The following LNX1 variants were observed in gnomAD, a reference collection of about 807,000 sequenced individuals.
The protein encoded by LNX1 is ligand of numb-protein X 1.
In LNX1, 54 loss-of-function variants were observed where a neutral mutation model predicts 68.4. That is an observed-to-expected ratio of 0.79 (90% confidence interval 0.63 to 0.99). The LOEUF (loss-of-function observed/expected upper bound fraction) is 0.99, where lower values mean the gene tolerates loss of function less well. Among genes scored for constraint, LNX1 ranks in the 50% least tolerant of loss-of-function variants. LNX1 has a pLI of 0.00. For missense variants in LNX1, 906 were observed against 926.4 expected, an observed-to-expected ratio of 0.98 and a Z score of 0.29; for synonymous variants, 336 against 350.0, an observed-to-expected ratio of 0.96 and a Z score of 0.45.
intron 2 of LNX1, among the ~76,000 whole-genome samples, chr4:53,541,154 A>G (rs1728739324): frequency 6.6e-6 from 1 of 151,852 alleles, no homozygotes; most frequent in Non-Finnish European, 1.5e-5. Context: ...AAAGAAAAAA[A>G]AAAAAGAAAG....
chr4:53,565,283 G>T (rs1252988661), intron 2 of LNX1, among the ~76,000 whole-genome samples: 2 of 152,070 alleles, frequency 1.3e-5, no homozygotes, highest in African/African-American at 4.8e-5. Context: ...GGTTCTCCCA[G>T]TACGCAGCTG....
At chr4:53,609,231 C>T (rs920351641) in intron 2 of LNX1, among the ~76,000 whole-genome samples, 3 of 151,656 alleles carry the variant, frequency 2.0e-5, no homozygotes, top group Non-Finnish European at 4.4e-5. Flanking sequence ...TGCAATTTAC[C>T]TATGTAACAA....
At chr4:53,565,077 G>T (rs1352285430) in intron 2 of LNX1, among the ~76,000 whole-genome samples, 1 of 151,796 alleles carries the variant, frequency 6.6e-6, no homozygotes, top group African/African-American at 2.4e-5. Context: ...GGGGAGGGGC[G>T]CCTACCATTG....
At chr4:53,605,711 A>G (rs1357466879) in intron 2 of LNX1, among the ~76,000 whole-genome samples, 1 of 152,194 alleles carries the variant, frequency 6.6e-6, no homozygotes, top group Non-Finnish European at 1.5e-5. Flanking sequence ...TTTACCTAGC[A>G]TAATGTCCTC....
chr4:53,609,201 T>C (rs183887798), intron 2 of LNX1, among the ~76,000 whole-genome samples: 8 of 152,036 alleles, frequency 5.3e-5, no homozygotes, highest in African/African-American at 1.7e-4. Flanking sequence ...AAATCATCTG[T>C]ATACAAAACC....
At chr4:53,601,248 A>G (rs1411642465) in intron 2 of LNX1, among the ~76,000 whole-genome samples, 1 of 152,018 alleles carries the variant, frequency 6.6e-6, no homozygotes, top group Non-Finnish European at 1.5e-5. Context: ...CTTGTTTGTG[A>G]TGTCTTAATT....
At chr4:53,561,522 G>A (rs1237568080) in intron 2 of LNX1, among the ~76,000 whole-genome samples, 1 of 152,044 alleles carries the variant, frequency 6.6e-6, no homozygotes, top group Non-Finnish European at 1.5e-5. Context: ...CACTGTGCCT[G>A]GCCCTCCGTG....
chr4:53,521,578 T>C (rs1727223896), intron 2 of LNX1, among the ~76,000 whole-genome samples: 1 of 152,200 alleles, frequency 6.6e-6, no homozygotes, highest in Admixed American at 6.5e-5. Flanking sequence ...AAATCCTATT[T>C]TTCCAGCCAG....
intron 2 of LNX1, among the ~76,000 whole-genome samples, chr4:53,551,618 T>TC (rs1729525565): frequency 6.6e-6 from 1 of 152,038 alleles, no homozygotes; most frequent in African/African-American, 2.4e-5. Context: ...GACAGCCCAC[T>TC]CCAAGGGAAG....
intron 2 of LNX1, among the ~76,000 whole-genome samples, chr4:53,544,447 G>A (rs1224534012): frequency 1.3e-5 from 2 of 151,826 alleles, no homozygotes; most frequent in Non-Finnish European, 2.9e-5. Context: ...CACCCCTTCG[G>A]CCTCCCAAAG....
At chr4:53,524,178 C>A (rs908318469) in intron 2 of LNX1, 25 of 152,110 alleles carry the variant, frequency 1.6e-4, no homozygotes, top group African/African-American at 6.0e-4. Flanking sequence ...TATATTTTTT[C>A]TCTTCTAAAA....
At chr4:53,546,039 T>C (rs1560657559) in intron 2 of LNX1, among the ~76,000 whole-genome samples, 1 of 152,078 alleles carries the variant, frequency 6.6e-6, no homozygotes, top group African/African-American at 2.4e-5. Context: ...ACTCCTGACC[T>C]CAAGTGATCC....
rs750977689 is a variant in LNX1, at chr4:53,573,643, G to A, written c.360C>T (p.Leu120=). 4.4e-6 allele frequency: 7 copies of A among 1,603,758 alleles called. No individual in the cohort carries two copies. Among genetic ancestry groups the A allele is most frequent in the African/African-American group, 2.7e-5 (2 of 74,748 alleles). ...CCTACCTGGTTTGAAAGTGATGCTC[G>A]AGGTCACAGCGCTGCAACACCTGGG... ...HCTQVLQRCD[L]EHHFQTSCKG... is the part of the protein sequence containing the mutation. Residue 120 remains leucine, a synonymous_variant, in exon 2 of 11, where the codon CTC becomes CTT. Coordinates refer to ENST00000263925, the MANE Select transcript of LNX1 (RefSeq NM_001126328.3).
upstream of LNX1, among the ~76,000 whole-genome samples, chr4:53,618,351 G>C (rs1303061204): frequency 6.6e-6 from 1 of 152,164 alleles, no homozygotes; most frequent in Non-Finnish European, 1.5e-5. Context: ...ATGACTTGCT[G>C]TGTAGTCCAT....
chr4:53,624,300 G>A (rs1040855493), intron 1 of LNX1, among the ~76,000 whole-genome samples: 2 of 152,112 alleles, frequency 1.3e-5, no homozygotes, highest in African/African-American at 4.8e-5. Context: ...GATCTGGTGG[G>A]AGATAATTGG....
chr4:53,560,150 C>T (rs1191871056), intron 2 of LNX1, among the ~76,000 whole-genome samples: 6 of 152,126 alleles, frequency 3.9e-5, no homozygotes, highest in Non-Finnish European at 8.8e-5. Context: ...TCTTGGATGT[C>T]CACGACCTCC....
chr4:53,531,190 C>T (rs568816012), intron 2 of LNX1, among the ~76,000 whole-genome samples: 2 of 152,236 alleles, frequency 1.3e-5, no homozygotes, highest in Admixed American at 1.3e-4. Flanking sequence ...TGAGAGGTTT[C>T]CCCCACCCCA....
intron 2 of LNX1, among the ~76,000 whole-genome samples, chr4:53,532,928 G>A (rs368180921): frequency 1.6e-3 from 241 of 152,270 alleles, no homozygotes; most frequent in South Asian, 0.014. Context: ...AGCCTGCTAG[G>A]CTGATGCTCT....
At chr4:53,541,518 A>G (rs968018287) in intron 2 of LNX1, among the ~76,000 whole-genome samples, 6 of 152,154 alleles carry the variant, frequency 3.9e-5, no homozygotes, top group Non-Finnish European at 1.5e-5. Flanking sequence ...TGATTCTTTT[A>G]GTGTAGATTC....
Sources: gnomAD v4.1 joint callset for allele counts (sites outside exome capture counted in the v4.1 genomes callset) on GRCh38, gnomAD v4.1.1 for gene constraint, MANE v1.5 for transcripts, NCBI Gene and HGNC (gene_info 2026-07-23, HGNC 2026-07-21) for gene names.